The following ADGB variants were observed in gnomAD, a reference collection of about 807,000 sequenced individuals.
The protein encoded by ADGB is calpain-7-like protein.
ADGB carries 172 observed loss-of-function variants against 210.5 expected under a neutral mutation model. The ratio of observed to expected loss-of-function variants is 0.82; its 90% confidence interval spans 0.72 to 0.93. The LOEUF (loss-of-function observed/expected upper bound fraction) is 0.93. Among genes scored for constraint, ADGB ranks in the 40% least tolerant of loss-of-function variants. The pLI is 0.00. For missense variants in ADGB, 2,025 were observed against 1,964.8 expected (o/e 1.03, Z -0.58); for synonymous variants, 658 against 662.7 (o/e 0.99, Z 0.11).
chr6:146,730,075 C>T (rs532276378), intron 20 of ADGB, among the ~76,000 whole-genome samples: 2 of 152,250 alleles, frequency 1.3e-5, no homozygotes, highest in South Asian at 4.2e-4. Context: ...TGTAAACAAA[C>T]CATATGTGCA....
rs1777150207 is a variant in ADGB at position 146,740,534 on chromosome 6, T to C, written c.2964T>C (p.Phe988=). 1.3e-6 allele frequency: 2 copies of C among 1,550,696 alleles called. No individual in the cohort carries two copies. The highest frequency in any genetic ancestry group is 3.9e-5 in the Admixed American group (2 of 50,954). The part of the protein sequence containing the change: ...CYQDEETKIA[F]ADYTVTYQEQ... ...AAGATGAAGAAACTAAGATTGCTTT[T>C]GCAGATTATACTGTGACTTATCAAG... is the stretch of plus-strand genomic sequence containing the variant. Residue 988 remains phenylalanine (F), a synonymous_variant, in exon 24 of 36, where the codon TTT becomes TTC. Coordinates refer to ENST00000397944, the MANE Select transcript of ADGB (RefSeq NM_024694.4).
intron 15 of ADGB, 83 bp from the exon 16 acceptor site, chr6:146,717,453 T>C: frequency 1.3e-6 from 1 of 752,414 alleles, no homozygotes; most frequent in Middle Eastern, 2.4e-4. Context: ...CTTCCTACAA[T>C]AATTTGATTA....
intron 1 of ADGB, among the ~76,000 whole-genome samples, chr6:146,621,408 C>T (rs988611163): frequency 2.6e-5 from 4 of 152,104 alleles, no homozygotes; most frequent in Non-Finnish European, 5.9e-5. Context: ...CACCCAATTG[C>T]TCCCCTGGAA....
chr6:146,806,814 C>T (rs1282122586), intron 35 of ADGB, among the ~76,000 whole-genome samples: 1 of 152,184 alleles, frequency 6.6e-6, no homozygotes, highest in Non-Finnish European at 1.5e-5. Flanking sequence ...AGAAGACAAT[C>T]TAAGAGCTAA....
chr6:146,759,019 AAC>A (rs1328655210), intron 27 of ADGB, among the ~76,000 whole-genome samples: 1 of 151,964 alleles, frequency 6.6e-6, no homozygotes, highest in Non-Finnish European at 1.5e-5. Context: ...TTTAAAAATA[AAC>A]ACTTTTCCGT....
At chr6:146,601,032 G>A (rs922201112) in intron 1 of ADGB, among the ~76,000 whole-genome samples, 4 of 151,646 alleles carry the variant, frequency 2.6e-5, no homozygotes, top group Non-Finnish European at 5.9e-5. Context: ...TAGGAGCTTC[G>A]GGAAAATCTT....
chr6:146,632,147 A>T lies in ADGB; in HGVS notation c.75-3228A>T, dbSNP rs1164285916. ...TTGGAATTCTCGAGGTCACAAGTCC[A>T]AAATGGGTCTCACTGAGCTACCAAC... On this transcript the variant is annotated intron_variant, in intron 1 of 35. Transcript: ENST00000397944. Among the ~76,000 whole-genome samples, 8 of 152,124 alleles carry T rather than the reference A, an allele frequency of 5.3e-5. No homozygotes were observed. In the East Asian group the frequency reaches 1.5e-3, roughly 29 times the overall value.
intron 8 of ADGB, among the ~76,000 whole-genome samples, chr6:146,675,086 A>G (rs1352470417): frequency 6.6e-6 from 1 of 152,136 alleles, no homozygotes; most frequent in East Asian, 1.9e-4. Context: ...TCTTGGTTAA[A>G]TGTTTTATCC....
chr6:146,807,138 C>T (rs1778223375), intron 35 of ADGB, among the ~76,000 whole-genome samples: 1 of 152,014 alleles, frequency 6.6e-6, no homozygotes, highest in Admixed American at 6.5e-5. Context: ...AACAGAATAC[C>T]TTTGGTAAAA....
Position 146,598,979 on chromosome 6 carries a change from G to C in ADGB, c.-62G>C. On this transcript the variant is annotated 5_prime_UTR_variant, in exon 1 of 36. Transcript: ENST00000397944. ...GCCGTCTCCTGGCAACGCAGACGCG[G>C]AGCCGAGCGCGCCCGCAGGCTCTTT... 1 of 1,449,266 alleles carries C rather than the reference G, an allele frequency of 6.9e-7. No individual in the cohort carries two copies. The highest frequency in any genetic ancestry group is 1.2e-5 in the South Asian group (1 of 81,910). 89.8% of individuals were successfully genotyped at this position (1,449,266 alleles called of 1,614,324 possible). A position where few individuals can be genotyped will look rare whatever the true frequency, so the allele number is the denominator to read the frequency against.
chr6:146,611,096 A>G (rs2114829849), intron 1 of ADGB, among the ~76,000 whole-genome samples: 1 of 152,138 alleles, frequency 6.6e-6, no homozygotes, highest in South Asian at 2.1e-4. Flanking sequence ...GTGGGCAGGC[A>G]CATGCTGGTG....
At position 146,676,357 on chromosome 6, in the gene ADGB, G is replaced by A. The variant is rs755778617; in HGVS notation, c.1132G>A (p.Gly378Arg). Residue 378 changes from glycine (G) to arginine (R), a missense_variant, in exon 9 of 36, where the codon GGA (glycine) becomes AGA (arginine). Coordinates refer to ENST00000397944, the MANE Select transcript of ADGB (RefSeq NM_024694.4). The part of the protein sequence containing the change: ...RDIGKKRSKD[G>R]EKEKFKFSLH... ...CATTGGAAAGAAGAGAAGCAAAGAT[G>A]GAGAAAAAGAAAAATTCAAATTCTC... 29 of 1,549,042 alleles carry A rather than the reference G, an allele frequency of 1.9e-5. No homozygotes were observed. The highest frequency in any genetic ancestry group is 6.0e-5 in the South Asian group (5 of 83,764).
chr6:146,787,423 ATTTAG>A (rs1478250484), intron 32 of ADGB, among the ~76,000 whole-genome samples: 1 of 152,064 alleles, frequency 6.6e-6, no homozygotes, highest in Non-Finnish European at 1.5e-5. Context: ...ATGTCTCACT[ATTTAG>A]TTATTTTATT....
Position 146,726,196 on chromosome 6 carries a change from C to T in ADGB, c.2351C>T (p.Pro784Leu), listed in dbSNP as rs1776892832. 6.5e-7 allele frequency: 1 copy of T among 1,534,806 alleles called. No homozygotes were observed. Among genetic ancestry groups the T allele is most frequent in the East Asian group, 2.5e-5 (1 of 40,528 alleles). Reference sequence around the variant, plus strand: ...CACGTTGTACTGCCCAACTTTGAACCAGTAAGTATTTTTGCAACAGCAAGT... The same window carrying T: ...CACGTTGTACTGCCCAACTTTGAACTAGTAAGTATTTTTGCAACAGCAAGT... ...DEHVVLPNFE[P>L]ESCRFTEQSL... The change falls in exon 19 of 36, where the codon CCA (proline) becomes CTA (leucine). Residue 784 changes from proline (P) to leucine (L), a missense_variant and splice_region_variant. By Grantham distance (98) the Pro-to-Leu change is moderately conservative. Transcript: ENST00000397944.
At chr6:146,783,004 C>T (rs1777823989) in intron 30 of ADGB, among the ~76,000 whole-genome samples, 1 of 152,048 alleles carries the variant, frequency 6.6e-6, no homozygotes, top group Non-Finnish European at 1.5e-5. Context: ...ATTTCAGATA[C>T]CCTAGTGGCT....
intron 35 of ADGB, chr6:146,803,247 A>G (rs1778158904): frequency 6.3e-7 from 1 of 1,581,304 alleles, no homozygotes; most frequent in African/African-American, 1.3e-5. Context: ...AACTTGGACC[A>G]TTGTTTCATG....
chr6:146,750,621 A>C (rs1471869226), intron 26 of ADGB, among the ~76,000 whole-genome samples: 3 of 152,152 alleles, frequency 2.0e-5, no homozygotes, highest in Non-Finnish European at 4.4e-5. Flanking sequence ...AGAAAAGCAA[A>C]TTTCTAGAGA....
intron 1 of ADGB, among the ~76,000 whole-genome samples, chr6:146,603,338 A>T (rs1780587157): frequency 6.6e-6 from 1 of 152,208 alleles, no homozygotes; most frequent in African/African-American, 2.4e-5. Flanking sequence ...ATCTTCTTGG[A>T]AGTACTAAAT....
intron 11 of ADGB, among the ~76,000 whole-genome samples, chr6:146,691,509 T>A (rs1418810675): frequency 2.2e-5 from 1 of 45,998 alleles, no homozygotes; most frequent in Non-Finnish European, 3.5e-5. Flanking sequence ...TATTTTTTTT[T>A]TTTTTTTTTT....
Sources: allele counts gnomAD v4.1 joint callset (sites outside exome capture counted in the v4.1 genomes callset), GRCh38; gene constraint gnomAD v4.1.1; transcripts MANE v1.5; gene names NCBI Gene and HGNC (gene_info 2026-07-23, HGNC 2026-07-21).